Variants in VWA7 observed in about 807,000 individuals in gnomAD.
VWA7 encodes von Willebrand factor A domain containing 7, also known as von Willebrand factor A domain-containing protein 7.
Under a neutral mutation model 83.1 loss-of-function variants are expected in VWA7, and 66 were observed. The observed-to-expected ratio is 0.79, with a 90% CI of 0.65 to 0.98. The LOEUF (loss-of-function observed/expected upper bound fraction) is 0.98, where lower values mean the gene tolerates loss of function less well. Among genes scored for constraint, VWA7 ranks in the 50% least tolerant of loss-of-function variants. The pLI, the probability that VWA7 is intolerant of heterozygous loss-of-function variation, is 0.00. For synonymous variants in VWA7, 424 were observed against 488.5 expected (o/e 0.87, Z 1.74); for missense variants, 1,080 against 1,160.2 (o/e 0.93, Z 1.00).
At position 31,765,776 on chromosome 6, in the gene VWA7, G is replaced by A; in HGVS notation, c.2500-6C>T. The stretch of plus-strand genomic sequence containing the variant: ...GTAGGGGTGGTGTGCCGGTCCTGTG[G>A]GGAAAAGGAAGAGAATGACAGGGTG... On this transcript the variant is annotated splice_polypyrimidine_tract_variant and splice_region_variant and intron_variant, in intron 16 of 16. Coordinates refer to ENST00000375688, the MANE Select transcript of VWA7 (RefSeq NM_025258.3). 6.3e-7 allele frequency: 1 copy of A among 1,584,868 alleles called. No homozygotes were observed. Among genetic ancestry groups the A allele is most frequent in the East Asian group, 2.2e-5 (1 of 44,554 alleles).
Position 31,774,795 on chromosome 6 carries a change from G to A in VWA7, c.611-169C>T, listed in dbSNP as rs551767073. Among the ~76,000 whole-genome samples the A allele has an allele frequency of 3.3e-5, 5 of 152,230 alleles. No homozygotes were observed. In the East Asian group the frequency reaches 9.7e-4, roughly 29 times the overall value. ...ACCTAGGATCATGGGCCCGCAGTGA[G>A]CCTGAATGTTTGAAACTAGGGCTGT... On this transcript the variant is annotated intron_variant, in intron 4 of 16. Transcript: ENST00000375688.
chr6:31,766,329 C>G lies in VWA7; in HGVS notation c.2240G>C (p.Arg747Pro). Residue 747 changes from arginine (R) to proline (P), a missense_variant, in exon 15 of 17, where the codon CGC becomes CCC. Physicochemically the swap from Arg to Pro is moderately radical, Grantham distance 103. Transcript: ENST00000375688. The surrounding 1 kb of genome is among the most constrained non-coding windows in gnomAD (Gnocchi z 4.9). Reference sequence around the variant, plus strand: ...CTGAGGGCCCGAGAAGCTGGCGATGCGGAGACTGAGCGGGACTTTGCTGCC... The same window carrying G: ...CTGAGGGCCCGAGAAGCTGGCGATGGGGAGACTGAGCGGGACTTTGCTGCC... ...APGSKVPLSL[R>P]IASFSGPQDL... 5.0e-6 allele frequency: 8 copies of G among 1,610,424 alleles called. No individual in the cohort carries two copies. The highest frequency in any genetic ancestry group is 6.8e-6 in the Non-Finnish European group (8 of 1,179,100).
At chr6:31,768,171 A>G (rs1042445053) in intron 10 of VWA7, among the ~76,000 whole-genome samples, 1 of 150,278 alleles carries the variant, frequency 6.7e-6, no homozygotes, top group African/African-American at 2.5e-5. Flanking sequence ...AAGAAAGAAA[A>G]AGAAAAAAGA....
In VWA7 at chr6:31,767,180, G is replaced by A. The variant is rs1232476412; in HGVS notation, c.1860C>T (p.Tyr620=). 3 of 1,553,442 alleles carry A rather than the reference G, an allele frequency of 1.9e-6. No homozygotes were observed. The highest frequency in any genetic ancestry group is 2.2e-5 in the Admixed American group (1 of 45,336). Residue 620 remains tyrosine, a synonymous_variant, in exon 13 of 17, where the codon TAC becomes TAT. Coordinates refer to ENST00000375688, the MANE Select transcript of VWA7 (RefSeq NM_025258.3). ...PMEDGPHPGL[Y]PLTQPVAGLQ... ...TACCTGCAACTGGCTGAGTCAGGGGGTAGAGGCCAGGGTGGGGTCCATCCT... is the reference window on the plus strand; with the variant it reads ...TACCTGCAACTGGCTGAGTCAGGGGATAGAGGCCAGGGTGGGGTCCATCCT...
At chr6:31,770,591 C>T (rs1812080501) in intron 7 of VWA7, among the ~76,000 whole-genome samples, 1 of 125,698 alleles carries the variant, frequency 8.0e-6, no homozygotes, top group Non-Finnish European at 1.7e-5. Flanking sequence ...AAAAAAAAGT[C>T]ATACTTGTCA....
At chr6:31,767,876 T>G in intron 10 of VWA7, 122 bp from the exon 11 acceptor site, 2 of 1,175,796 alleles carry the variant, frequency 1.7e-6, no homozygotes, top group Non-Finnish European at 2.3e-6. Flanking sequence ...GTCACGCCTG[T>G]AATCCCAGCA....
chr6:31,771,615 G>A (rs939167098), intron 7 of VWA7: 1 of 152,198 alleles, frequency 6.6e-6, no homozygotes, highest in Non-Finnish European at 1.5e-5. Context: ...ATACAATGTA[G>A]CTAGTTATCT....
Position 31,776,257 on chromosome 6 carries a change from G to A in VWA7, c.235-15C>T, listed in dbSNP as rs376676655. 7.5e-6 allele frequency: 12 copies of A among 1,604,674 alleles called. No homozygotes were observed. Among genetic ancestry groups the A allele is most frequent in the Admixed American group, 3.4e-5 (2 of 58,914 alleles). ...AGTGTTCGACCCTGGGGAGAATAGC[G>A]GGCGACGGGGCTCCAGGGAGGCCCT... On this transcript the variant is annotated splice_polypyrimidine_tract_variant and intron_variant, in intron 2 of 16. Transcript: ENST00000375688. This position sits in a 1 kb window ranked among gnomAD's most constrained non-coding sequence, Gnocchi z 6.2.
Position 31,766,209 on chromosome 6 carries a change from G to T in VWA7, c.2324+36C>A. On this transcript the variant is annotated intron_variant, in intron 15 of 16. Transcript: ENST00000375688. This position sits in a 1 kb window ranked among gnomAD's most constrained non-coding sequence, Gnocchi z 4.9. ...CTTGGGATAAGCATTGGCCGGGCAA[G>T]ATGCCAGAGGGAGCTGGAGGGTTCA... 6.2e-7 allele frequency: 1 copy of T among 1,607,860 alleles called. No homozygotes were observed. Among genetic ancestry groups the T allele is most frequent in the Non-Finnish European group, 8.5e-7 (1 of 1,177,446 alleles).
chr6:31,769,744 C>G lies in VWA7; in HGVS notation c.1248G>C (p.Thr416=). ...GAAAGGCATCCTTGGGGGAGGCATCCGTGAAGACAAAGATATCTGAGAGTG... is the reference window on the plus strand; with the variant it reads ...GAAAGGCATCCTTGGGGGAGGCATCGGTGAAGACAAAGATATCTGAGAGTG... ...TPPLSDIFVF[T]DASPKDAFLT... Residue 416 remains threonine (T), a synonymous_variant, in exon 9 of 17, where the codon ACG becomes ACC. Coordinates refer to ENST00000375688, the MANE Select transcript of VWA7 (RefSeq NM_025258.3). This position sits in a 1 kb window ranked among gnomAD's most constrained non-coding sequence, Gnocchi z 4.5. The G allele has an allele frequency of 6.2e-7, 1 of 1,613,068 alleles. No individual in the cohort carries two copies. The highest frequency in any genetic ancestry group is 8.5e-7 in the Non-Finnish European group (1 of 1,180,036).
At position 31,766,356 on chromosome 6, in the gene VWA7, G is replaced by C. The variant is rs1387144226; in HGVS notation, c.2213C>G (p.Pro738Arg). 1 of 1,605,182 alleles carries C rather than the reference G, an allele frequency of 6.2e-7. No homozygotes were observed. The highest frequency in any genetic ancestry group is 8.5e-7 in the Non-Finnish European group (1 of 1,176,778). The change falls in exon 15 of 17, where the codon CCG (proline) becomes CGG (arginine). Residue 738 changes from proline (P) to arginine (R), a missense_variant. Pro to Arg is a moderately radical substitution (Grantham distance 103). Coordinates refer to ENST00000375688, the MANE Select transcript of VWA7 (RefSeq NM_025258.3). This position sits in a 1 kb window ranked among gnomAD's most constrained non-coding sequence, Gnocchi z 4.9. ...ELSGPSGFLA[P>R]GSKVPLSLRI... ...GAGACTGAGCGGGACTTTGCTGCCC[G>C]GGGCCAAGAAACCCGAGGGGCCACT... is the stretch of plus-strand genomic sequence containing the variant.
At chr6:31,772,008 A>G (rs990751928) in intron 7 of VWA7, among the ~76,000 whole-genome samples, 6 of 151,538 alleles carry the variant, frequency 4.0e-5, no homozygotes, top group South Asian at 2.1e-4. Flanking sequence ...AAAAAAAAAA[A>G]AAAAAAAAGA....
At position 31,769,981 on chromosome 6, in the gene VWA7, G is replaced by C. The variant is rs763925557; in HGVS notation, c.1200+20C>G. ...CCTGGTGGTGGGGCCAGGAAACGGGGAAGAAGGGAGGGGCCAGACCTGCAG... is the reference window on the plus strand; with the variant it reads ...CCTGGTGGTGGGGCCAGGAAACGGGCAAGAAGGGAGGGGCCAGACCTGCAG... On this transcript the variant is annotated intron_variant, in intron 8 of 16. Transcript: ENST00000375688. The surrounding 1 kb of genome is among the most constrained non-coding windows in gnomAD (Gnocchi z 4.5). 5.6e-6 allele frequency: 9 copies of C among 1,610,836 alleles called. No homozygotes were observed. In the South Asian group the frequency reaches 9.9e-5, roughly 18 times the overall value.
chr6:31,772,584 CTTTTTTTTTTTTTT>C (rs9279415), intron 7 of VWA7, among the ~76,000 whole-genome samples: 15 of 35,080 alleles, frequency 4.3e-4, no homozygotes, highest in African/African-American at 9.5e-4. Context: ...TCTTTCTTTT[CTTTTTTTTTTTTTT>C]TTTTTTTTTT....
Position 31,766,580 on chromosome 6 carries a change from G to A in VWA7, c.2067C>T (p.Pro689=). The part of the protein sequence containing the change: ...ERGLLAASLS[P]TLLSTPRPFS... ...AGGGTCTAGGGGTGGACAGCAGCGT[G>A]GGCGACAGCGAGGCTGCGAGGAGAC... The change falls in exon 14 of 17, where the codon CCC becomes CCT. Residue 689 remains proline, a synonymous_variant. Transcript: ENST00000375688. The surrounding 1 kb of genome is among the most constrained non-coding windows in gnomAD (Gnocchi z 4.9). 6.2e-7 allele frequency: 1 copy of A among 1,612,988 alleles called. No homozygotes were observed. The highest frequency in any genetic ancestry group is 8.5e-7 in the Non-Finnish European group (1 of 1,180,030).
chr6:31,766,892 G>A lies in VWA7; in HGVS notation c.1883-128C>T, dbSNP rs1364055357. Reference sequence around the variant, plus strand: ...TGGGAAAATAGGTTACCTTCGAGGGGTATTGATGGGGAGCATCAGGAGGGA... The same window carrying A: ...TGGGAAAATAGGTTACCTTCGAGGGATATTGATGGGGAGCATCAGGAGGGA... On this transcript the variant is annotated intron_variant, in intron 13 of 16. Transcript: ENST00000375688. The surrounding 1 kb of genome is among the most constrained non-coding windows in gnomAD (Gnocchi z 4.9). The A allele has an allele frequency of 2.9e-6, 3 of 1,027,780 alleles. No individual in the cohort carries two copies. The African/African-American group carries it at 4.9e-5, about 17-fold the overall frequency. The allele number at this position is 1,027,780 out of a possible 1,614,324, so 63.7% of individuals were successfully genotyped here. A position where few individuals can be genotyped will look rare whatever the true frequency, so the allele number is the denominator to read the frequency against.
chr6:31,767,955 A>C (rs1037079663), intron 10 of VWA7, among the ~76,000 whole-genome samples: 4 of 150,170 alleles, frequency 2.7e-5, no homozygotes, highest in Non-Finnish European at 5.9e-5. Flanking sequence ...ACACAGTGAA[A>C]CTACATCTCT....
Position 31,767,747 on chromosome 6 carries a change from A to G in VWA7, c.1511T>C (p.Leu504Pro). The G allele has an allele frequency of 1.2e-6, 2 of 1,605,664 alleles. No homozygotes were observed. Among genetic ancestry groups the G allele is most frequent in the Non-Finnish European group, 1.7e-6 (2 of 1,172,964 alleles). The change falls in exon 11 of 17, where the codon CTT becomes CCT. Residue 504 changes from leucine (L) to proline (P), a missense_variant. Physicochemically the swap from Leu to Pro is moderately conservative, Grantham distance 98 (BLOSUM62 -3). Transcript: ENST00000375688. The part of the protein sequence containing the change: ...VGESMAALVT[L>P]PLDPPVVVPG... Reference sequence around the variant, plus strand: ...CACCACAACAGGAGGGTCCAGGGGAAGAGTCACCTTGAGGGATTGGCAGGA... The same window carrying G: ...CACCACAACAGGAGGGTCCAGGGGAGGAGTCACCTTGAGGGATTGGCAGGA...
At position 31,769,592 on chromosome 6, in the gene VWA7, C is replaced by A; in HGVS notation, c.1317+83G>T. ...CTTGTTGGGCCACCATAGTGTGGTG[C>A]AACCCTCGTTATGAGATTGTCATCA... On this transcript the variant is annotated intron_variant, in intron 9 of 16. Transcript: ENST00000375688. This position sits in a 1 kb window ranked among gnomAD's most constrained non-coding sequence, Gnocchi z 4.5. 7.6e-7 allele frequency: 1 copy of A among 1,312,598 alleles called. No individual in the cohort carries two copies. 81.3% of individuals were successfully genotyped at this position (1,312,598 alleles called of 1,614,324 possible).
Sources: allele counts gnomAD v4.1 joint callset (sites outside exome capture counted in the v4.1 genomes callset), GRCh38; gene constraint gnomAD v4.1.1; non-coding constraint Gnocchi (gnomAD v3.1); transcripts MANE v1.5; gene names NCBI Gene and HGNC (gene_info 2026-07-23, HGNC 2026-07-21).